Variants in P3H2 observed in about 807,000 individuals in gnomAD.
The protein encoded by P3H2 is leprecan-like 1.
A neutral mutation model predicts 87.0 loss-of-function variants in P3H2; 80 were observed. The observed-to-expected ratio is 0.92, with a 90% CI of 0.77 to 1.11. The LOEUF is 1.11. Ranked by LOEUF, P3H2 falls within the 50% of genes least tolerant of loss-of-function variation. P3H2 has a pLI of 0.00. For missense variants in P3H2, 1,001 were observed against 923.9 expected (o/e 1.08, Z -1.08); for synonymous variants, 367 against 359.3 (o/e 1.02, Z -0.24).
chr3:190,113,927 G>T (rs1363674743), intron 1 of P3H2, among the ~76,000 whole-genome samples: 1 of 151,186 alleles, frequency 6.6e-6, no homozygotes, highest in Admixed American at 6.6e-5. Context: ...AATACAAAAA[G>T]AAATTAGCCG....
upstream of P3H2, chr3:190,122,235 G>A (rs1232352364): frequency 6.6e-6 from 1 of 151,486 alleles, no homozygotes; most frequent in African/African-American, 2.5e-5. Context: ...ATCAATCTAG[G>A]AATGAGAAAG....
rs111705433 is a variant in P3H2 at position 190,118,971 on chromosome 3, G to A, written c.480+1281C>T. On this transcript the variant is annotated intron_variant, in intron 1 of 14. Transcript: ENST00000319332. The stretch of plus-strand genomic sequence containing the variant: ...CACACAAAAATTAGCCCGGCATGGT[G>A]GTGCACACCTGTAATCCCAGCTACT... 8.3e-3 allele frequency among the ~76,000 whole-genome samples: 1,254 copies of A among 151,528 alleles called. 12 individuals are homozygous for A. The highest frequency in any genetic ancestry group is 0.044 in the Middle Eastern group (13 of 294).
intron 1 of P3H2, among the ~76,000 whole-genome samples, chr3:190,023,783 T>C (rs575652869): frequency 7.9e-5 from 12 of 152,328 alleles, no homozygotes; most frequent in Admixed American, 5.9e-4. Context: ...ATTAAGTCCA[T>C]AGATTGGATT....
chr3:190,118,972 G>A (rs1712405068), intron 1 of P3H2, among the ~76,000 whole-genome samples: 2 of 151,440 alleles, frequency 1.3e-5, no homozygotes, highest in South Asian at 4.2e-4. Context: ...CGGCATGGTG[G>A]TGCACACCTG....
At chr3:190,088,688 T>C (rs1469488194) in intron 1 of P3H2, among the ~76,000 whole-genome samples, 3 of 152,210 alleles carry the variant, frequency 2.0e-5, no homozygotes, top group African/African-American at 7.2e-5. Flanking sequence ...TACGGGCTTG[T>C]GAGAATGTCA....
chr3:190,061,466 G>C (rs932926674), intron 1 of P3H2, among the ~76,000 whole-genome samples: 3 of 152,040 alleles, frequency 2.0e-5, no homozygotes, highest in Admixed American at 6.6e-5. Flanking sequence ...GAATTACAAA[G>C]ACTGGCAGCT....
At chr3:190,068,958 T>C (rs1352582504) in intron 1 of P3H2, among the ~76,000 whole-genome samples, 1 of 152,168 alleles carries the variant, frequency 6.6e-6, no homozygotes, top group Non-Finnish European at 1.5e-5. Flanking sequence ...AAACGTTTGC[T>C]ATCGATACCA....
intron 3 of P3H2, among the ~76,000 whole-genome samples, chr3:189,992,893 C>T (rs556794929): frequency 2.6e-5 from 4 of 152,244 alleles, no homozygotes; most frequent in African/African-American, 4.8e-5. Context: ...TATATTAACA[C>T]TTTGCCTATA....
intron 1 of P3H2, among the ~76,000 whole-genome samples, chr3:190,029,957 G>T (rs569870118): frequency 6.6e-6 from 1 of 150,830 alleles, no homozygotes; most frequent in Admixed American, 6.6e-5. Context: ...AGCCAAGGTC[G>T]TGCCACTGCA....
chr3:190,065,373 A>C (rs1726463976), intron 1 of P3H2, among the ~76,000 whole-genome samples: 1 of 152,110 alleles, frequency 6.6e-6, no homozygotes, highest in African/African-American at 2.4e-5. Flanking sequence ...GTCAATACCC[A>C]GGAGGATTTT....
intron 11 of P3H2, among the ~76,000 whole-genome samples, 192 bp from the exon 12 acceptor site, chr3:189,972,199 T>C (rs1179714025): frequency 1.3e-5 from 2 of 152,372 alleles, no homozygotes; most frequent in East Asian, 3.8e-4. Flanking sequence ...GAACTGGATG[T>C]GAAACCTTGA....
rs762801792 is a variant in P3H2 at position 189,994,328 on chromosome 3, A to T, written c.634-45T>A. 3 of 1,509,728 alleles carry T rather than the reference A, an allele frequency of 2.0e-6. No homozygotes were observed. In the South Asian group the frequency reaches 3.4e-5, roughly 17 times the overall value. The allele number at this position is 1,509,728 out of a possible 1,614,324, so 93.5% of individuals were successfully genotyped here. ...AAAAAACAAACAAACAAACAAACAA[A>T]CAAACAAAAAAACCCTTATTTTCAA... On this transcript the variant is annotated intron_variant, in intron 2 of 14. Transcript: ENST00000319332.
intron 1 of P3H2, among the ~76,000 whole-genome samples, chr3:190,031,530 G>A (rs1725252620): frequency 6.6e-6 from 1 of 151,954 alleles, no homozygotes; most frequent in African/African-American, 2.4e-5. Flanking sequence ...CCAGCTACTT[G>A]GGAGGCTGAG....
At chr3:189,969,865 C>G in intron 13 of P3H2, 1 of 1,357,912 alleles carries the variant, frequency 7.4e-7, no homozygotes, top group African/African-American at 1.4e-5. Flanking sequence ...AGGCCATGTC[C>G]GCACAGGAAA....
At chr3:189,995,529 A>T in intron 1 of P3H2, 87 bp from the exon 2 acceptor site, 1 of 1,348,520 alleles carries the variant, frequency 7.4e-7, no homozygotes, top group South Asian at 1.2e-5. Context: ...AAAATCTCAC[A>T]GTTTAAGAAT....
intron 1 of P3H2, 50 bp from the exon 2 acceptor site, chr3:189,995,492 C>A: frequency 1.9e-6 from 3 of 1,577,368 alleles, no homozygotes; most frequent in Non-Finnish European, 2.6e-6. Context: ...TTCCAAATCA[C>A]ACTCAGAGAA....
intron 1 of P3H2, among the ~76,000 whole-genome samples, chr3:190,092,228 G>A (rs1488178058): frequency 4.4e-4 from 45 of 101,620 alleles, no homozygotes; most frequent in African/African-American, 2.6e-3. Context: ...ACGAGACTCC[G>A]TCAAAAAAAA....
At position 189,992,214 on chromosome 3, in the gene P3H2, C is replaced by T. The variant is rs145613988; in HGVS notation, c.823+1880G>A. 6.2e-3 allele frequency among the ~76,000 whole-genome samples: 946 copies of T among 152,216 alleles called. 7 individuals are homozygous for T. Among genetic ancestry groups the T allele is most frequent in the African/African-American group, 0.022 (905 of 41,544 alleles). Reference sequence around the variant, plus strand: ...GGTTCAAGTGATTCTCTTGCCTCAGCCTCCTAAGTAGCTGGGATTACAGGC... The same window carrying T: ...GGTTCAAGTGATTCTCTTGCCTCAGTCTCCTAAGTAGCTGGGATTACAGGC... On this transcript the variant is annotated intron_variant, in intron 3 of 14. Coordinates refer to ENST00000319332, the MANE Select transcript of P3H2 (RefSeq NM_018192.4).
At chr3:189,959,153 A>G (rs1191571838) in intron 14 of P3H2, among the ~76,000 whole-genome samples, 1 of 150,894 alleles carries the variant, frequency 6.6e-6, no homozygotes, top group Non-Finnish European at 1.5e-5. Context: ...CAGCTCTTCA[A>G]TGGGTCCCTA....
Sources: allele counts gnomAD v4.1 joint callset (sites outside exome capture counted in the v4.1 genomes callset), GRCh38; gene constraint gnomAD v4.1.1; transcripts MANE v1.5; gene names NCBI Gene and HGNC (gene_info 2026-07-23, HGNC 2026-07-21).